Variants in CPOX observed in about 807,000 individuals in gnomAD.
CPOX encodes oxygen-dependent coproporphyrinogen-III oxidase, mitochondrial.
CPOX carries 24 observed loss-of-function variants against 48.9 expected under a neutral mutation model. That is an observed-to-expected ratio of 0.49 (90% confidence interval 0.36 to 0.69). The LOEUF (loss-of-function observed/expected upper bound fraction) is 0.69, where lower values mean the gene tolerates loss of function less well. Ranked by LOEUF, CPOX falls within the 30% of genes least tolerant of loss-of-function variation. The pLI, the probability that CPOX is intolerant of heterozygous loss-of-function variation, is 0.00. For synonymous variants in CPOX, 249 were observed against 234.6 expected (o/e 1.06, Z -0.56); for missense variants, 549 against 597.3 (o/e 0.92, Z 0.84).
Position 98,581,691 on chromosome 3 carries a change from A to G in CPOX, c.1173-180T>C, listed in dbSNP as rs868834843. Among the ~76,000 whole-genome samples, 36 of 152,318 alleles carry G rather than the reference A, an allele frequency of 2.4e-4. No individual in the cohort carries two copies. In the Middle Eastern group the frequency reaches 0.01, roughly 43 times the overall value. On this transcript the variant is annotated intron_variant, in intron 5 of 6. Coordinates refer to ENST00000647941, the MANE Select transcript of CPOX (RefSeq NM_000097.7). ...CTCCATCTGGACAGGCAGAAATAAAAGGGTATTCTACCCACCAAACAATAG... is the reference window on the plus strand; with the variant it reads ...CTCCATCTGGACAGGCAGAAATAAAGGGGTATTCTACCCACCAAACAATAG...
At position 98,593,179 on chromosome 3, in the gene CPOX, C is replaced by G. The variant is rs759285228; in HGVS notation, c.326G>C (p.Arg109Pro). Reference protein sequence around the residue: ...AEMLPKTSGTRATSLGRPEEE... With the variant: ...AEMLPKTSGTPATSLGRPEEE... ...CTCCGGCCTCCCCAGCGAAGTGGCC[C>G]GCGTCCCCGAGGTCTTAGGCAACAT... The change falls in exon 1 of 7, where the codon CGG (arginine) becomes CCG (proline). Residue 109 changes from arginine to proline, a missense_variant. By Grantham distance (103) the Arg-to-Pro change is moderately radical (BLOSUM62 -2). Around this residue, in one of 2 missense-constraint regions of CPOX, gnomAD observed 336 missense variants for 318.1 expected, o/e 1.06. Coordinates refer to ENST00000647941, the MANE Select transcript of CPOX (RefSeq NM_000097.7). The G allele has an allele frequency of 2.5e-6, 4 of 1,608,994 alleles. No individual in the cohort carries two copies. Among genetic ancestry groups the G allele is most frequent in the Non-Finnish European group, 3.4e-6 (4 of 1,178,144 alleles).
intron 1 of CPOX, 129 bp from the exon 2 acceptor site, chr3:98,591,284 A>G (rs1707474530): frequency 2.1e-6 from 2 of 971,300 alleles, no homozygotes; most frequent in Non-Finnish European, 3.2e-6. Context: ...CATTTTATGT[A>G]CAATACAATT....
chr3:98,590,817 A>T, intron 2 of CPOX, 75 bp from the exon 3 acceptor site: 1 of 1,244,024 alleles, frequency 8.0e-7, no homozygotes. Flanking sequence ...CTCTAATATG[A>T]TTTCCAAGTC....
chr3:98,588,054 C>T (rs188115588), intron 4 of CPOX, among the ~76,000 whole-genome samples: 207 of 152,308 alleles, frequency 1.4e-3, no homozygotes, highest in Admixed American at 3.7e-3. Context: ...TAAATATTAA[C>T]ATTCCACAAC....
chr3:98,571,687 C>CAAA, the CPOX span, among the ~76,000 whole-genome samples: 39 of 46,242 alleles, frequency 8.4e-4, no homozygotes, highest in African/African-American at 3.4e-3. Context: ...GACTCCGTCT[C>CAAA]AAAAAAAAAA....
At chr3:98,576,033 T>G (rs541614551), downstream of CPOX, among the ~76,000 whole-genome samples, 3 of 126,294 alleles carry the variant, frequency 2.4e-5, no homozygotes, top group South Asian at 8.1e-4. Flanking sequence ...GATCGCACCA[T>G]TGCACTCCAG....
Position 98,590,854 on chromosome 3 carries a change from G to C in CPOX, c.701-112C>G, listed in dbSNP as rs544409151. 35 of 1,237,774 alleles carry C rather than the reference G, an allele frequency of 2.8e-5. 1 individual carries two copies. The Admixed American group carries it at 4.3e-4, about 15-fold the overall frequency. 76.7% of individuals were successfully genotyped at this position (1,237,774 alleles called of 1,614,324 possible). On this transcript the variant is annotated intron_variant, in intron 2 of 6. Coordinates refer to ENST00000647941, the MANE Select transcript of CPOX (RefSeq NM_000097.7). ...ATTTTCAAAAGCTGCTTTTTAATTT[G>C]TCACTTAAAAACATAATTTTAAAAA...
At chr3:98,582,450 C>G (rs1707275252) in intron 5 of CPOX, among the ~76,000 whole-genome samples, 1 of 151,898 alleles carries the variant, frequency 6.6e-6, no homozygotes, top group South Asian at 2.1e-4. Context: ...TGATGCCCAT[C>G]TATAGCAAAA....
chr3:98,593,592 C>G lies in CPOX; in HGVS notation c.-88G>C, dbSNP rs1359575874. 2 of 1,347,714 alleles carry G rather than the reference C, an allele frequency of 1.5e-6. No individual in the cohort carries two copies. Among genetic ancestry groups the G allele is most frequent in the Non-Finnish European group, 2.0e-6 (2 of 1,005,792 alleles). The allele number at this position is 1,347,714 out of a possible 1,614,324, so 83.5% of individuals were successfully genotyped here. The stretch of plus-strand genomic sequence containing the variant: ...CCAGACCCCCGGAGTATTGAGCCGG[C>G]GAGCTGCACAGGCGGAAAGAACCTT... On this transcript the variant is annotated 5_prime_UTR_variant, in exon 1 of 7. Coordinates refer to ENST00000647941, the MANE Select transcript of CPOX (RefSeq NM_000097.7).
chr3:98,571,923 T>G, the CPOX span, among the ~76,000 whole-genome samples: 32 of 152,278 alleles, frequency 2.1e-4, no homozygotes, highest in East Asian at 6.0e-3. Context: ...TAGAGAATAT[T>G]GTCAGTATAG....
chr3:98,592,554 C>T (rs976872192), intron 1 of CPOX, among the ~76,000 whole-genome samples: 1 of 151,970 alleles, frequency 6.6e-6, no homozygotes, highest in Non-Finnish European at 1.5e-5. Flanking sequence ...TTTCCATCTC[C>T]TAAAGAGGAA....
At chr3:98,574,385 C>A in the CPOX span, among the ~76,000 whole-genome samples, 2 of 152,106 alleles carry the variant, frequency 1.3e-5, no homozygotes, top group Non-Finnish European at 1.5e-5. Flanking sequence ...TGGGGAGATA[C>A]CATATCTCCC....
intron 5 of CPOX, among the ~76,000 whole-genome samples, chr3:98,585,118 A>G (rs2107119471): frequency 6.6e-6 from 1 of 152,368 alleles, no homozygotes; most frequent in South Asian, 2.1e-4. Flanking sequence ...TTTACAAAGC[A>G]GCAAAGACAT....
chr3:98,574,591 G>GT (rs530200953), downstream of CPOX, among the ~76,000 whole-genome samples: 99 of 152,104 alleles, frequency 6.5e-4, no homozygotes, highest in South Asian at 2.9e-3. Context: ...TTGGTTTTTG[G>GT]TTTTTTTTGA....
At chr3:98,573,022 G>T in the CPOX span, among the ~76,000 whole-genome samples, 53,732 of 151,964 alleles carry the variant, frequency 0.35, 9,635 homozygotes, top group African/African-American at 0.41. Flanking sequence ...TTTCCTACCT[G>T]TCTTCACTGA....
At chr3:98,572,112 T>C in the CPOX span, among the ~76,000 whole-genome samples, 1 of 152,238 alleles carries the variant, frequency 6.6e-6, no homozygotes, top group Non-Finnish European at 1.5e-5. Context: ...ACATCTTTAA[T>C]GTGCTTCCCC....
At chr3:98,578,719 T>C (rs1707196667), downstream of CPOX, among the ~76,000 whole-genome samples, 2 of 152,256 alleles carry the variant, frequency 1.3e-5, no homozygotes, top group South Asian at 4.1e-4. Context: ...TGGCTTTCAC[T>C]TGGCATAATG....
Position 98,580,650 on chromosome 3 carries a change from C to A in CPOX, c.*33G>T. On this transcript the variant is annotated 3_prime_UTR_variant, in exon 7 of 7. Coordinates refer to ENST00000647941, the MANE Select transcript of CPOX (RefSeq NM_000097.7). Reference sequence around the variant, plus strand: ...GGCATGGGGAGCACACATCGTGTGCCCTCCAAACCCCTGCACAGCCATTCT... The same window carrying A: ...GGCATGGGGAGCACACATCGTGTGCACTCCAAACCCCTGCACAGCCATTCT... 2 of 1,613,510 alleles carry A rather than the reference C, an allele frequency of 1.2e-6. No homozygotes were observed. Among genetic ancestry groups the A allele is most frequent in the South Asian group, 1.1e-5 (1 of 90,970 alleles).
the CPOX span, among the ~76,000 whole-genome samples, chr3:98,572,637 T>C: frequency 2.6e-5 from 4 of 152,262 alleles, no homozygotes; most frequent in Non-Finnish European, 5.9e-5. Context: ...TTACCTTTAC[T>C]ATACTGTATT....
Sources: allele counts gnomAD v4.1 joint callset (sites outside exome capture counted in the v4.1 genomes callset), GRCh38; gene constraint gnomAD v4.1.1; regional missense constraint gnomAD v4.1.1; transcripts MANE v1.5; gene names NCBI Gene and HGNC (gene_info 2026-07-23, HGNC 2026-07-21).